Variants in GLRX observed in about 807,000 individuals in gnomAD.
GLRX encodes glutaredoxin.
A neutral mutation model predicts 11.1 loss-of-function variants in GLRX; 9 were observed. The ratio of observed to expected loss-of-function variants is 0.81; its 90% confidence interval spans 0.49 to 1.42. The LOEUF is 1.42. GLRX is among the 40% of genes most tolerant of loss of function. The pLI, the probability that GLRX is intolerant of heterozygous loss-of-function variation, is 0.00. For synonymous variants in GLRX, 49 were observed against 49.5 expected, an observed-to-expected ratio of 0.99 and a Z score of 0.04; for missense variants, 102 against 126.2, an observed-to-expected ratio of 0.81 and a Z score of 0.92.
intron 1 of GLRX, among the ~76,000 whole-genome samples, chr5:95,820,852 A>C (rs1008061912): frequency 2.0e-5 from 3 of 150,032 alleles, no homozygotes; most frequent in Non-Finnish European, 1.5e-5. Context: ...GTGGTGGCTC[A>C]CCCGTTTAAT....
chr5:95,818,174 A>T (rs1255217260), intron 1 of GLRX: 1 of 152,086 alleles, frequency 6.6e-6, no homozygotes, highest in Non-Finnish European at 1.5e-5. Flanking sequence ...TCTGGCAAAG[A>T]AGCGAAAGGC....
intron 1 of GLRX, among the ~76,000 whole-genome samples, chr5:95,820,641 A>G (rs112696841): frequency 0.013 from 1,957 of 151,432 alleles, 45 homozygotes; most frequent in African/African-American, 0.045. Flanking sequence ...CAGTAAGCCA[A>G]AATCACACCA....
chr5:95,818,955 A>C (rs1391121912), intron 1 of GLRX: 1 of 151,976 alleles, frequency 6.6e-6, no homozygotes, highest in African/African-American at 2.4e-5. Context: ...CATTCACTCT[A>C]CCTGTAAATT....
intron 1 of GLRX, chr5:95,822,247 TG>T (rs775198640): frequency 4.0e-5 from 24 of 593,698 alleles, no homozygotes; most frequent in Non-Finnish European, 6.9e-5. Context: ...CTCCCTCTTC[TG>T]CCCCGTGAAG....
chr5:95,817,033 A>C (rs1402644586), intron 1 of GLRX: 2 of 164,722 alleles, frequency 1.2e-5, no homozygotes, highest in African/African-American at 4.8e-5. Context: ...GTTCGTTTCT[A>C]AATACAGCTG....
intron 1 of GLRX, chr5:95,817,599 C>A (rs1368335388): frequency 6.6e-6 from 1 of 152,292 alleles, no homozygotes; most frequent in East Asian, 1.9e-4. Context: ...CACTTCCTCC[C>A]TGCTGCTAGG....
intron 1 of GLRX, chr5:95,822,249 C>T: frequency 1.7e-6 from 1 of 594,836 alleles, no homozygotes; most frequent in Non-Finnish European, 3.0e-6. Context: ...CCCTCTTCTG[C>T]CCCGTGAAGA....
At position 95,816,595 on chromosome 5, in the gene GLRX, A is replaced by C. The variant is rs1404954103; in HGVS notation, c.239T>G (p.Ile80Arg). Residue 80 changes from isoleucine (I) to arginine (R), a missense_variant, in exon 2 of 3, where the codon ATA becomes AGA. Physicochemically the swap from Ile to Arg is moderately conservative, Grantham distance 97 (BLOSUM62 -3). Coordinates refer to ENST00000237858, the MANE Select transcript of GLRX (RefSeq NM_001118890.2). ...AGAGACTAGATCACTGCATCCGCCT[A>C]TACAATCTTTACCAATAAAGACTCG... is the stretch of plus-strand genomic sequence containing the variant. ...VPRVFIGKDC[I>R]GGCSDLVSLQ... The C allele has an allele frequency of 1.2e-6, 2 of 1,607,162 alleles. No individual in the cohort carries two copies. The highest frequency in any genetic ancestry group is 1.3e-5 in the African/African-American group (1 of 74,914).
intron 1 of GLRX, chr5:95,822,123 GA>G (rs1747261205): frequency 3.1e-6 from 1 of 322,236 alleles, no homozygotes; most frequent in Non-Finnish European, 5.8e-6. Flanking sequence ...CCTGCCAACT[GA>G]AAACTGTCAT....
At chr5:95,816,855 T>C (rs1250966997) in intron 1 of GLRX, 2 of 358,896 alleles carry the variant, frequency 5.6e-6, no homozygotes, top group Non-Finnish European at 1.0e-5. Context: ...ATGCATGAGC[T>C]TGTCCAACTT....
chr5:95,819,921 A>AAC, intron 1 of GLRX, among the ~76,000 whole-genome samples: 1 of 149,804 alleles, frequency 6.7e-6, no homozygotes, highest in Non-Finnish European at 1.5e-5. Context: ...AAAAAAAAAA[A>AAC]ACCCTCGGGA....
At chr5:95,822,271 A>T in intron 1 of GLRX, 185 bp downstream of exon 1, 1 of 607,644 alleles carries the variant, frequency 1.6e-6, no homozygotes, top group South Asian at 2.0e-5. Context: ...CTTTGGCTGC[A>T]GTGCCGCCGC....
rs747941448 is a variant in GLRX at position 95,822,706 on chromosome 5, G to T, written c.-44C>A. On this transcript the variant is annotated 5_prime_UTR_variant, in exon 1 of 3. Coordinates refer to ENST00000237858, the MANE Select transcript of GLRX (RefSeq NM_001118890.2). ...CCCCGGGAAGAATCCTCAGTTGCAG[G>T]TATTGCTTGGGGTATTGAGCCCCGA... 6.5e-7 allele frequency: 1 copy of T among 1,538,602 alleles called. No homozygotes were observed. The highest frequency in any genetic ancestry group is 9.0e-7 in the Non-Finnish European group (1 of 1,114,964).
chr5:95,822,716 G>C lies in GLRX; in HGVS notation c.-54C>G. The C allele has an allele frequency of 1.3e-6, 2 of 1,488,188 alleles. No homozygotes were observed. Among genetic ancestry groups the C allele is most frequent in the Admixed American group, 3.6e-5 (2 of 56,246 alleles). 92.2% of individuals were successfully genotyped at this position (1,488,188 alleles called of 1,614,324 possible). On this transcript the variant is annotated 5_prime_UTR_variant, in exon 1 of 3. Coordinates refer to ENST00000237858, the MANE Select transcript of GLRX (RefSeq NM_001118890.2). ...AATCCTCAGTTGCAGGTATTGCTTG[G>C]GGTATTGAGCCCCGACCCAGCCAGT... is the stretch of plus-strand genomic sequence containing the variant.
At chr5:95,815,470 T>A (rs1009131651) in intron 2 of GLRX, among the ~76,000 whole-genome samples, 5 of 152,248 alleles carry the variant, frequency 3.3e-5, no homozygotes, top group Admixed American at 6.5e-5. Flanking sequence ...TCACAAATAA[T>A]GTATACTCAT....
At chr5:95,821,468 A>T (rs1481556925) in intron 1 of GLRX, among the ~76,000 whole-genome samples, 2 of 79,628 alleles carry the variant, frequency 2.5e-5, no homozygotes, top group Non-Finnish European at 5.1e-5. Flanking sequence ...ATTAGAGAGA[A>T]GGGGAGAGAA....
At chr5:95,819,788 A>G (rs1747147053) in intron 1 of GLRX, among the ~76,000 whole-genome samples, 1 of 150,446 alleles carries the variant, frequency 6.6e-6, no homozygotes, top group African/African-American at 2.4e-5. Context: ...AGTCCCAGCT[A>G]CTCGAGAGGC....
intron 1 of GLRX, chr5:95,819,076 T>G (rs772033676): frequency 6.6e-6 from 1 of 152,238 alleles, no homozygotes; most frequent in Non-Finnish European, 1.5e-5. Context: ...TCCCTACCTT[T>G]CCTACTTTTC....
chr5:95,822,282 T>G (rs1230085454), intron 1 of GLRX, 174 bp downstream of exon 1: 1 of 612,686 alleles, frequency 1.6e-6, no homozygotes, highest in East Asian at 2.7e-5. Flanking sequence ...GTGCCGCCGC[T>G]CATTCAAGTG....
Sources: gnomAD v4.1 joint callset for allele counts (sites outside exome capture counted in the v4.1 genomes callset) on GRCh38, gnomAD v4.1.1 for gene constraint, MANE v1.5 for transcripts, NCBI Gene and HGNC (gene_info 2026-07-23, HGNC 2026-07-21) for gene names.